QTMAN: variants seen among roughly 807,000 people sequenced by gnomAD.
QTMAN encodes tRNA-queuosine alpha-mannosyltransferase.
chr2:144,008,912 C>T, the QTMAN span, among the ~76,000 whole-genome samples: 9 of 151,778 alleles, frequency 5.9e-5, no homozygotes, highest in Admixed American at 5.9e-4. Flanking sequence ...AATCAGACTG[C>T]AGGAGGCTAG....
chr2:144,090,566 C>T, the QTMAN span, among the ~76,000 whole-genome samples: 17 of 151,698 alleles, frequency 1.1e-4, no homozygotes, highest in South Asian at 1.9e-3. Flanking sequence ...TTTCCCTGTC[C>T]GGGCAAGGAA....
chr2:144,160,646 C>T, the QTMAN span, among the ~76,000 whole-genome samples: 1 of 152,114 alleles, frequency 6.6e-6, no homozygotes, highest in Non-Finnish European at 1.5e-5. Context: ...TCATTCAATA[C>T]CTCAGTAGAT....
chr2:144,309,139 A>G, the QTMAN span, among the ~76,000 whole-genome samples: 1 of 152,214 alleles, frequency 6.6e-6, no homozygotes, highest in Non-Finnish European at 1.5e-5. Flanking sequence ...AATGTGGAGC[A>G]ACTAGAATTT....
chr2:144,219,914 T>C, the QTMAN span, among the ~76,000 whole-genome samples: 12 of 152,336 alleles, frequency 7.9e-5, no homozygotes, highest in African/African-American at 2.6e-4. Flanking sequence ...TGAATACAGA[T>C]AGGTATTCAA....
chr2:144,154,818 C>T, the QTMAN span, among the ~76,000 whole-genome samples: 74 of 152,298 alleles, frequency 4.9e-4, no homozygotes, highest in African/African-American at 1.7e-3. Flanking sequence ...AACTTGGCAG[C>T]TATCACTCTG....
At chr2:144,054,513 CTTG>C in the QTMAN span, among the ~76,000 whole-genome samples, 1 of 152,088 alleles carries the variant, frequency 6.6e-6, no homozygotes, top group African/African-American at 2.4e-5. Flanking sequence ...AAGACAAAAT[CTTG>C]TTAACATGTA....
chr2:143,984,613 T>C, the QTMAN span, among the ~76,000 whole-genome samples: 3 of 152,172 alleles, frequency 2.0e-5, no homozygotes, highest in Admixed American at 1.3e-4. Flanking sequence ...GAACTACCCC[T>C]GTTTTCCCAC....
At chr2:144,008,238 T>C in the QTMAN span, among the ~76,000 whole-genome samples, 3 of 151,834 alleles carry the variant, frequency 2.0e-5, no homozygotes, top group African/African-American at 7.3e-5. Flanking sequence ...AGCAAACCAT[T>C]AGTGCTTAGA....
chr2:144,132,011 C>G, the QTMAN span, among the ~76,000 whole-genome samples: 1 of 151,716 alleles, frequency 6.6e-6, no homozygotes, highest in African/African-American at 2.4e-5. Context: ...AAAATCACAT[C>G]GTTTTTACTA....
At chr2:144,209,449 C>T in the QTMAN span, among the ~76,000 whole-genome samples, 1 of 152,168 alleles carries the variant, frequency 6.6e-6, no homozygotes, top group African/African-American at 2.4e-5. Flanking sequence ...TGATCACTTC[C>T]CCACACTTGT....
chr2:144,163,134 C>T, the QTMAN span, among the ~76,000 whole-genome samples: 6 of 151,494 alleles, frequency 4.0e-5, no homozygotes, highest in African/African-American at 1.2e-4. Context: ...TCCTAAAGTA[C>T]AAAATTATAA....
At chr2:144,318,238 G>T in the QTMAN span, among the ~76,000 whole-genome samples, 1 of 141,336 alleles carries the variant, frequency 7.1e-6, no homozygotes, top group East Asian at 2.0e-4. Flanking sequence ...CACACAAATT[G>T]TGGTCCTTCC....
the QTMAN span, among the ~76,000 whole-genome samples, chr2:144,300,213 C>T: frequency 8.5e-4 from 130 of 152,236 alleles, 1 homozygote; most frequent in Admixed American, 3.2e-3. Flanking sequence ...TGGGAATGTA[C>T]CTAATGCCAC....
At chr2:143,956,201 G>C in the QTMAN span, among the ~76,000 whole-genome samples, 6 of 152,230 alleles carry the variant, frequency 3.9e-5, no homozygotes, top group South Asian at 2.1e-4. Flanking sequence ...TTTTAATAAG[G>C]CCTCTTTAGA....
the QTMAN span, among the ~76,000 whole-genome samples, chr2:144,146,742 T>C: frequency 6.6e-6 from 1 of 151,944 alleles, no homozygotes; most frequent in Non-Finnish European, 1.5e-5. Flanking sequence ...TGAGGACATT[T>C]AGATGACACA....
At chr2:143,988,484 T>C in the QTMAN span, among the ~76,000 whole-genome samples, 6 of 152,182 alleles carry the variant, frequency 3.9e-5, no homozygotes, top group Non-Finnish European at 8.8e-5. Context: ...GAAACACAGA[T>C]TAATAATAGC....
the QTMAN span, among the ~76,000 whole-genome samples, chr2:144,218,731 T>C: frequency 1.7e-4 from 26 of 152,198 alleles, no homozygotes; most frequent in African/African-American, 5.8e-4. Flanking sequence ...CATACAAATA[T>C]TCTCAACGTC....
the QTMAN span, among the ~76,000 whole-genome samples, chr2:144,268,244 ATGAATGGTAGTTCCC>A: frequency 2.0e-5 from 3 of 152,184 alleles, no homozygotes; most frequent in African/African-American, 7.2e-5. Flanking sequence ...TTCTTCTGCC[ATGAATGGTAGTTCCC>A]TGAAGCCCTC....
At chr2:143,952,778 A>T in the QTMAN span, 25 of 1,590,688 alleles carry the variant, frequency 1.6e-5, no homozygotes, top group Non-Finnish European at 2.0e-5. Flanking sequence ...GCTACCTGGA[A>T]ATATTTCGGG....
Sources: gnomAD v4.1 joint callset for allele counts (sites outside exome capture counted in the v4.1 genomes callset) on GRCh38, gnomAD v4.1.1 for gene constraint, MANE v1.5 for transcripts, NCBI Gene and HGNC (gene_info 2026-07-23, HGNC 2026-07-21) for gene names.